The following RPS6KC1 variants were observed in gnomAD, a reference collection of about 807,000 sequenced individuals.
The protein encoded by RPS6KC1 is ribosomal protein S6 kinase C1.
A neutral mutation model predicts 103.8 loss-of-function variants in RPS6KC1; 54 were observed. The ratio of observed to expected loss-of-function variants is 0.52; its 90% CI spans 0.42 to 0.65. RPS6KC1 has a LOEUF of 0.65. RPS6KC1 is among the 30% of genes least tolerant of loss of function. The pLI is 0.00. For missense variants in RPS6KC1, 1,151 were observed against 1,253.8 expected, an observed-to-expected ratio of 0.92 and a Z score of 1.24; for synonymous variants, 439 against 438.7, an observed-to-expected ratio of 1.00 and a Z score of -0.01.
chr1:213,304,668 G>A, the RPS6KC1 span, among the ~76,000 whole-genome samples: 5 of 151,686 alleles, frequency 3.3e-5, no homozygotes, highest in South Asian at 2.1e-4. Context: ...TTAGCCTCCC[G>A]AGTAGCTGGG....
At chr1:213,633,904 A>G in the RPS6KC1 span, among the ~76,000 whole-genome samples, 1 of 127,078 alleles carries the variant, frequency 7.9e-6, no homozygotes, top group African/African-American at 3.0e-5. Flanking sequence ...AAAAAAAAAA[A>G]AAAAAAAAAG....
the RPS6KC1 span, among the ~76,000 whole-genome samples, chr1:213,645,805 G>A: frequency 6.6e-6 from 1 of 152,202 alleles, no homozygotes; most frequent in African/African-American, 2.4e-5. Context: ...TGTGTCAACA[G>A]CAGCACTGAC....
intron 8 of RPS6KC1, among the ~76,000 whole-genome samples, chr1:213,193,666 C>T (rs1412147207): frequency 6.6e-6 from 1 of 152,040 alleles, no homozygotes; most frequent in Non-Finnish European, 1.5e-5. Context: ...GATGGAGTCT[C>T]ACTACGTCAC....
At chr1:213,637,075 C>T in the RPS6KC1 span, among the ~76,000 whole-genome samples, 2 of 152,152 alleles carry the variant, frequency 1.3e-5, no homozygotes, top group Admixed American at 6.6e-5. Flanking sequence ...TACCATCTCA[C>T]ACCAGTTAGA....
At chr1:213,454,257 T>A in the RPS6KC1 span, among the ~76,000 whole-genome samples, 1 of 152,214 alleles carries the variant, frequency 6.6e-6, no homozygotes, top group Admixed American at 6.5e-5. Context: ...CAAGGACACG[T>A]GAAATTTATT....
chr1:213,173,884 T>A (rs2091664748), intron 7 of RPS6KC1, among the ~76,000 whole-genome samples: 1 of 152,234 alleles, frequency 6.6e-6, no homozygotes, highest in Non-Finnish European at 1.5e-5. Context: ...GTTTGCTTTC[T>A]TTGCTCTTTA....
chr1:213,847,929 TA>T, the RPS6KC1 span, among the ~76,000 whole-genome samples: 2 of 152,094 alleles, frequency 1.3e-5, no homozygotes, highest in Non-Finnish European at 2.9e-5. Flanking sequence ...TTGAAATCTT[TA>T]ATCTCTTCTC....
chr1:213,760,013 C>T, the RPS6KC1 span, among the ~76,000 whole-genome samples: 1 of 152,178 alleles, frequency 6.6e-6, no homozygotes, highest in African/African-American at 2.4e-5. Flanking sequence ...TCGTTCCCTG[C>T]AATGTCATCC....
At chr1:213,600,408 G>A in the RPS6KC1 span, among the ~76,000 whole-genome samples, 2 of 152,190 alleles carry the variant, frequency 1.3e-5, no homozygotes, top group South Asian at 4.1e-4. Context: ...TAAATGAACA[G>A]AGAGGCATGA....
At chr1:213,550,706 TC>T in the RPS6KC1 span, among the ~76,000 whole-genome samples, 1 of 152,202 alleles carries the variant, frequency 6.6e-6, no homozygotes, top group African/African-American at 2.4e-5. Context: ...TGTTTAGGCA[TC>T]TATCTCTGTA....
At chr1:213,633,248 A>C in the RPS6KC1 span, among the ~76,000 whole-genome samples, 4 of 152,234 alleles carry the variant, frequency 2.6e-5, no homozygotes, top group Non-Finnish European at 5.9e-5. Context: ...CAAAATTGTC[A>C]GATTCACCAA....
At chr1:213,534,355 G>C in the RPS6KC1 span, among the ~76,000 whole-genome samples, 2 of 152,298 alleles carry the variant, frequency 1.3e-5, no homozygotes, top group East Asian at 3.9e-4. Context: ...GTGCTAGGGA[G>C]TATTCTAAAC....
At chr1:213,552,679 A>G in the RPS6KC1 span, among the ~76,000 whole-genome samples, 1 of 152,144 alleles carries the variant, frequency 6.6e-6, no homozygotes, top group East Asian at 1.9e-4. Flanking sequence ...TAAAGTCTCA[A>G]TCTCCATATG....
chr1:213,455,691 T>C, the RPS6KC1 span, among the ~76,000 whole-genome samples: 1 of 152,164 alleles, frequency 6.6e-6, no homozygotes, highest in African/African-American at 2.4e-5. Context: ...AGAACCTTGA[T>C]TAATACCAGT....
the RPS6KC1 span, among the ~76,000 whole-genome samples, chr1:213,607,617 A>G: frequency 1.3e-5 from 2 of 151,592 alleles, no homozygotes; most frequent in African/African-American, 4.8e-5. Context: ...GAGGGAGCAC[A>G]TGGCAGGGGA....
chr1:213,785,576 G>A, the RPS6KC1 span, among the ~76,000 whole-genome samples: 2 of 152,068 alleles, frequency 1.3e-5, no homozygotes, highest in African/African-American at 4.8e-5. Flanking sequence ...ATGTCTTGGA[G>A]GGCTGAATTA....
chr1:213,681,795 CA>C, the RPS6KC1 span, among the ~76,000 whole-genome samples: 11 of 149,456 alleles, frequency 7.4e-5, no homozygotes, highest in African/African-American at 2.0e-4. Flanking sequence ...GAGACTGTCT[CA>C]AAAAAAAATA....
At chr1:213,383,708 A>G in the RPS6KC1 span, among the ~76,000 whole-genome samples, 1 of 152,008 alleles carries the variant, frequency 6.6e-6, no homozygotes, top group Non-Finnish European at 1.5e-5. Flanking sequence ...TGTCCCTATA[A>G]GAAGAGACAC....
chr1:213,550,313 C>T, the RPS6KC1 span, among the ~76,000 whole-genome samples: 172 of 152,304 alleles, frequency 1.1e-3, 1 homozygote, highest in African/African-American at 4.0e-3. Context: ...ATCCTCTTTC[C>T]TCAGGCAGGT....
Sources: allele counts gnomAD v4.1 joint callset (sites outside exome capture counted in the v4.1 genomes callset), GRCh38; gene constraint gnomAD v4.1.1; transcripts MANE v1.5; gene names NCBI Gene and HGNC (gene_info 2026-07-23, HGNC 2026-07-21).